The following TAFA1 variants were observed in gnomAD, a reference collection of about 807,000 sequenced individuals.
TAFA1 encodes chemokine-like protein TAFA-1.
In TAFA1, 4 loss-of-function variants were observed where a neutral mutation model predicts 18.5. The ratio of observed to expected loss-of-function variants is 0.22; its 90% CI spans 0.11 to 0.49. The LOEUF is 0.49. Ranked by LOEUF, TAFA1 falls within the 20% of genes least tolerant of loss-of-function variation. TAFA1 has a pLI of 0.98. For missense variants in TAFA1, 147 were observed against 169.0 expected, an observed-to-expected ratio of 0.87 and a Z score of 0.72; for synonymous variants, 56 against 55.2, an observed-to-expected ratio of 1.01 and a Z score of -0.06.
intron 2 of TAFA1, among the ~76,000 whole-genome samples, chr3:68,258,189 A>G (rs180886608): frequency 3.2e-4 from 48 of 152,310 alleles, no homozygotes; most frequent in African/African-American, 1.1e-3. Context: ...TGGTTATATA[A>G]GGTGTTCATA....
rs1043225740 is a variant in TAFA1 at position 68,126,491 on chromosome 3, T to A, written c.118+119747T>A. Among the ~76,000 whole-genome samples the A allele has an allele frequency of 2.6e-5, 4 of 152,244 alleles. No individual in the cohort carries two copies. The South Asian group carries it at 8.3e-4, about 31-fold the overall frequency. On this transcript the variant is annotated intron_variant, in intron 2 of 4. Transcript: ENST00000478136. ...AAGTATTCAATTTTCCCCCAAAATCTTGAAGAGAAAAAGTTGGCAAATTTG... is the reference window on the plus strand; with the variant it reads ...AAGTATTCAATTTTCCCCCAAAATCATGAAGAGAAAAAGTTGGCAAATTTG...
At chr3:68,181,496 G>A (rs1483444092) in intron 2 of TAFA1, among the ~76,000 whole-genome samples, 1 of 152,066 alleles carries the variant, frequency 6.6e-6, no homozygotes, top group African/African-American at 2.4e-5. Flanking sequence ...TAACTATGAA[G>A]TAAATTCAGG....
At chr3:68,444,617 G>T (rs2071441881) in intron 3 of TAFA1, among the ~76,000 whole-genome samples, 1 of 151,906 alleles carries the variant, frequency 6.6e-6, no homozygotes, top group African/African-American at 2.4e-5. Context: ...AAATGCTGCT[G>T]CTAGCTCTTC....
rs1022620152 is a variant in TAFA1 at position 68,419,946 on chromosome 3, G to A, written c.259+2526G>A. ...CACGGAACATACTATCTCTGATCTCGTTTACCTAGTTCTCTCCTATGTAGA... is the reference window on the plus strand; with the variant it reads ...CACGGAACATACTATCTCTGATCTCATTTACCTAGTTCTCTCCTATGTAGA... On this transcript the variant is annotated intron_variant, in intron 3 of 4. Coordinates refer to ENST00000478136, the MANE Select transcript of TAFA1 (RefSeq NM_213609.4). 3.3e-5 allele frequency among the ~76,000 whole-genome samples: 5 copies of A among 152,072 alleles called. No individual in the cohort carries two copies. In the East Asian group the frequency reaches 5.8e-4, roughly 18 times the overall value.
At chr3:68,195,839 C>T (rs73095464) in intron 2 of TAFA1, among the ~76,000 whole-genome samples, 2,610 of 150,962 alleles carry the variant, frequency 0.017, 33 homozygotes, top group Middle Eastern at 0.041. Flanking sequence ...TCATATATGT[C>T]TTTGTATTTC....
intron 3 of TAFA1, among the ~76,000 whole-genome samples, chr3:68,431,161 G>C (rs139443734): frequency 1.2e-3 from 188 of 152,048 alleles, no homozygotes; most frequent in African/African-American, 4.2e-3. Flanking sequence ...ATCTGGGGTA[G>C]TATAGTGTTG....
chr3:68,537,649 A>C (rs564461681), intron 3 of TAFA1, among the ~76,000 whole-genome samples: 1 of 152,132 alleles, frequency 6.6e-6, no homozygotes, highest in South Asian at 2.1e-4. Context: ...ATAGATACAA[A>C]TCTCCCCCAT....
At chr3:68,040,569 C>T (rs903785822) in intron 2 of TAFA1, among the ~76,000 whole-genome samples, 4 of 152,174 alleles carry the variant, frequency 2.6e-5, no homozygotes, top group African/African-American at 7.2e-5. Context: ...TAATGATCTA[C>T]ACTTATTTCG....
At chr3:68,094,600 T>C (rs1247729631) in intron 2 of TAFA1, among the ~76,000 whole-genome samples, 1 of 152,130 alleles carries the variant, frequency 6.6e-6, no homozygotes, top group Non-Finnish European at 1.5e-5. Context: ...GGTGCTGAGG[T>C]TACAGTAGGG....
At chr3:68,208,890 A>T (rs537088796) in intron 2 of TAFA1, among the ~76,000 whole-genome samples, 51 of 152,050 alleles carry the variant, frequency 3.4e-4, no homozygotes, top group African/African-American at 1.1e-3. Flanking sequence ...GGCCTGGCCT[A>T]ATTAGGTGAG....
intron 2 of TAFA1, among the ~76,000 whole-genome samples, chr3:68,370,636 C>A (rs887759325): frequency 2.0e-5 from 3 of 147,846 alleles, no homozygotes; most frequent in Non-Finnish European, 4.5e-5. Flanking sequence ...TGATGGAGTT[C>A]CTTTTCTAAG....
At chr3:68,343,798 A>C (rs1465862627) in intron 2 of TAFA1, among the ~76,000 whole-genome samples, 5 of 152,188 alleles carry the variant, frequency 3.3e-5, no homozygotes. Context: ...AGAAAAAAGA[A>C]TGCTGCTGTC....
intron 3 of TAFA1, among the ~76,000 whole-genome samples, chr3:68,458,203 A>G (rs1316803171): frequency 6.6e-6 from 1 of 151,886 alleles, no homozygotes; most frequent in Non-Finnish European, 1.5e-5. Context: ...CCTTCTCTCT[A>G]TATTTCCCCT....
At chr3:68,075,823 A>G (rs1322943064) in intron 2 of TAFA1, among the ~76,000 whole-genome samples, 1 of 150,392 alleles carries the variant, frequency 6.6e-6, no homozygotes, top group African/African-American at 2.5e-5. Flanking sequence ...CAGCCTCCCT[A>G]CTGGCTGGGA....
intron 2 of TAFA1, among the ~76,000 whole-genome samples, chr3:68,044,042 A>G (rs1575588859): frequency 6.6e-6 from 1 of 152,200 alleles, no homozygotes; most frequent in South Asian, 2.1e-4. Context: ...CCTCAATTTT[A>G]GGATTCTACT....
intron 2 of TAFA1, among the ~76,000 whole-genome samples, chr3:68,252,571 C>G (rs929838386): frequency 6.6e-6 from 1 of 152,114 alleles, no homozygotes. Context: ...AATCAGACAT[C>G]GTCAGGCATC....
intron 3 of TAFA1, among the ~76,000 whole-genome samples, chr3:68,527,553 G>A (rs1279357900): frequency 6.6e-6 from 1 of 152,032 alleles, no homozygotes; most frequent in African/African-American, 2.4e-5. Flanking sequence ...CATCAATGAG[G>A]AGTCTTCTTA....
chr3:68,077,034 T>G (rs1334314976), intron 2 of TAFA1, among the ~76,000 whole-genome samples: 7 of 151,896 alleles, frequency 4.6e-5, no homozygotes, highest in African/African-American at 1.7e-4. Context: ...ATTGTGGTTT[T>G]GATTTGCATT....
chr3:68,459,983 G>A (rs1033219820), intron 3 of TAFA1, among the ~76,000 whole-genome samples: 1 of 152,126 alleles, frequency 6.6e-6, no homozygotes, highest in Non-Finnish European at 1.5e-5. Flanking sequence ...ACGTGTTAAG[G>A]CCGTTTATTG....
Sources: allele counts gnomAD v4.1 joint callset (sites outside exome capture counted in the v4.1 genomes callset), GRCh38; gene constraint gnomAD v4.1.1; transcripts MANE v1.5; gene names NCBI Gene and HGNC (gene_info 2026-07-23, HGNC 2026-07-21).